Variants in ABCA12 observed in about 807,000 individuals in gnomAD.
ABCA12 encodes the protein glucosylceramide transporter ABCA12.
In ABCA12, 156 loss-of-function variants were observed where a neutral mutation model predicts 293.5. That is an observed-to-expected ratio of 0.53 (90% confidence interval 0.47 to 0.61). The LOEUF is 0.61. Among genes scored for constraint, ABCA12 ranks in the 20% least tolerant of loss-of-function variants. The probability of loss-of-function intolerance (pLI) is 0.00; values close to 1 mark genes in which losing one functional copy is unlikely to be tolerated. For synonymous variants in ABCA12, 1,063 were observed against 1,108.0 expected (o/e 0.96, Z 0.81); for missense variants, 2,797 against 3,090.2 (o/e 0.91, Z 2.25).
chr2:214,951,852 T>C (rs1698783372), intron 44 of ABCA12, among the ~76,000 whole-genome samples: 1 of 152,200 alleles, frequency 6.6e-6, no homozygotes, highest in South Asian at 2.1e-4. Context: ...AAATTTTAAG[T>C]GCATAATACA....
rs1432712198 is a variant in ABCA12, at chr2:215,025,509, TA to T, written c.1287+163del. ...TCTAGAGTCGTAAGTAGGGCCATTA[TA>T]AATCTAGAGTTAAAATAGCATCATT... is the stretch of plus-strand genomic sequence containing the variant. On this transcript the variant is annotated intron_variant, in intron 11 of 52. Transcript: ENST00000272895. The T allele has an allele frequency of 8.2e-5, 49 of 598,510 alleles. 1 individual carries two copies. In the Middle Eastern group the frequency reaches 2.3e-3, roughly 28 times the overall value. The allele number at this position is 598,510 out of a possible 1,614,324, so 37.1% of individuals were successfully genotyped here. A position where few individuals can be genotyped will look rare whatever the true frequency, so the allele number is the denominator to read the frequency against.
chr2:214,969,510 ACAT>A (rs1699339303), intron 37 of ABCA12, among the ~76,000 whole-genome samples: 2 of 152,094 alleles, frequency 1.3e-5, no homozygotes, highest in Non-Finnish European at 2.9e-5. Context: ...CATGCAAATA[ACAT>A]CATAGTATGT....
At chr2:215,061,720 T>C (rs1408272625) in intron 3 of ABCA12, among the ~76,000 whole-genome samples, 1 of 151,060 alleles carries the variant, frequency 6.6e-6, no homozygotes, top group Non-Finnish European at 1.5e-5. Flanking sequence ...CAACTTGAGC[T>C]AGATAAACTA....
intron 11 of ABCA12, 148 bp downstream of exon 11, chr2:215,025,525 A>G: frequency 1.6e-6 from 1 of 635,052 alleles, no homozygotes; most frequent in South Asian, 2.0e-5. Flanking sequence ...TAGAGTTAAA[A>G]TAGCATCATT....
chr2:214,943,084 A>C, intron 49 of ABCA12, 67 bp from the exon 50 acceptor site: 1 of 1,203,668 alleles, frequency 8.3e-7, no homozygotes, highest in South Asian at 1.2e-5. Context: ...GTTCATGAGC[A>C]TAAGCATAAT....
intron 50 of ABCA12, among the ~76,000 whole-genome samples, chr2:214,939,333 G>A (rs1246076868): frequency 6.6e-6 from 1 of 152,020 alleles, no homozygotes; most frequent in Non-Finnish European, 1.5e-5. Flanking sequence ...TATGTGTTTT[G>A]GTACCAGTAT....
intron 2 of ABCA12, among the ~76,000 whole-genome samples, chr2:215,093,562 C>T (rs1198304303): frequency 6.6e-6 from 1 of 152,212 alleles, no homozygotes; most frequent in Non-Finnish European, 1.5e-5. Flanking sequence ...TCTTTTTATC[C>T]AAACAACTCG....
chr2:215,027,555 G>A (rs990721922), intron 9 of ABCA12, among the ~76,000 whole-genome samples: 1 of 152,036 alleles, frequency 6.6e-6, no homozygotes, highest in African/African-American at 2.4e-5. Context: ...AAGGTCACTG[G>A]GTGAGGATTG....
At chr2:215,120,325 T>G (rs1293529147) in intron 1 of ABCA12, among the ~76,000 whole-genome samples, 1 of 152,126 alleles carries the variant, frequency 6.6e-6, no homozygotes, top group Non-Finnish European at 1.5e-5. Flanking sequence ...TTTGGTACTA[T>G]GCTCACCACT....
At chr2:215,021,746 G>A (rs774812717) in intron 11 of ABCA12, among the ~76,000 whole-genome samples, 4 of 150,758 alleles carry the variant, frequency 2.7e-5, no homozygotes, top group Non-Finnish European at 5.9e-5. Context: ...AATAAGAAAG[G>A]CACAATGATA....
intron 15 of ABCA12, among the ~76,000 whole-genome samples, chr2:215,012,800 C>G (rs1456131053): frequency 6.6e-6 from 1 of 151,770 alleles, no homozygotes; most frequent in African/African-American, 2.4e-5. Flanking sequence ...TAAATAATAC[C>G]TCAATAAAGT....
intron 2 of ABCA12, among the ~76,000 whole-genome samples, chr2:215,065,174 G>GAT (rs1701617069): frequency 1.3e-5 from 2 of 151,520 alleles, no homozygotes. Context: ...TTCACAATTA[G>GAT]GTTTGCTATG....
At chr2:214,935,548 G>A (rs1179960439) in intron 51 of ABCA12, among the ~76,000 whole-genome samples, 1 of 152,218 alleles carries the variant, frequency 6.6e-6, no homozygotes, top group East Asian at 1.9e-4. Context: ...TGTAATCCCA[G>A]TGCTTTGGGA....
In ABCA12 at chr2:215,052,562, A is replaced by G. The variant is rs778990674; in HGVS notation, c.432T>C (p.Ser144=). 5.0e-6 allele frequency: 8 copies of G among 1,612,496 alleles called. No individual in the cohort carries two copies. In the East Asian group the frequency reaches 1.6e-4, roughly 31 times the overall value. The part of the protein sequence containing the change: ...ASLATVFPSP[S]SDLEIPGTYT... ...ATGTTCCGGGGATTTCCAAATCAGA[A>G]CTTGGACTGGGAAATACTGTGGCTG... Residue 144 remains serine (S), a synonymous_variant, in exon 5 of 53, where the codon AGT becomes AGC. Coordinates refer to ENST00000272895, the MANE Select transcript of ABCA12 (RefSeq NM_173076.3).
intron 22 of ABCA12, among the ~76,000 whole-genome samples, chr2:214,999,124 G>T (rs866827396): frequency 3.9e-5 from 6 of 152,114 alleles, no homozygotes; most frequent in Middle Eastern, 6.8e-3. Flanking sequence ...CATTTTTTTT[G>T]TTGTTGTTTC....
rs137887062 is a variant in ABCA12 at position 215,107,814 on chromosome 2, A to G, written c.163+3783T>C. ...CAGAACAGAAGTTGTTGTGGGATCC[A>G]TGCATGTTGTTATGACTCCAGTGCC... On this transcript the variant is annotated intron_variant, in intron 2 of 52. Transcript: ENST00000272895. Among the ~76,000 whole-genome samples the G allele has an allele frequency of 3.7e-3, 564 of 152,364 alleles. 1 individual carries two copies. The highest frequency in any genetic ancestry group is 0.012 in the African/African-American group (487 of 41,578).
At chr2:215,074,766 G>T (rs995257647) in intron 2 of ABCA12, among the ~76,000 whole-genome samples, 4 of 151,966 alleles carry the variant, frequency 2.6e-5, no homozygotes, top group Non-Finnish European at 5.9e-5. Flanking sequence ...ACATGGTAAA[G>T]CCCCCTCTCT....
At position 214,935,805 on chromosome 2, in the gene ABCA12, A is replaced by T. The variant is rs189221960; in HGVS notation, c.7543-1590T>A. Among the ~76,000 whole-genome samples, 1,447 of 152,134 alleles carry T rather than the reference A, an allele frequency of 9.5e-3. 30 individuals are homozygous for T. The highest frequency in any genetic ancestry group is 0.033 in the African/African-American group (1,363 of 41,484). Reference sequence around the variant, plus strand: ...TAGCGAGACTCTGTGTCTTAAAAAAAATTTTTTTTAAGAATTAAGAAAGCT... The same window carrying T: ...TAGCGAGACTCTGTGTCTTAAAAAATATTTTTTTTAAGAATTAAGAAAGCT... On this transcript the variant is annotated intron_variant, in intron 51 of 52. Transcript: ENST00000272895.
At chr2:215,029,208 AATAT>A (rs1176384332) in intron 9 of ABCA12, 3 of 152,104 alleles carry the variant, frequency 2.0e-5, no homozygotes, top group African/African-American at 4.8e-5. Context: ...CCCATCACAG[AATAT>A]CTAGCATTTG....
Sources: allele counts gnomAD v4.1 joint callset (sites outside exome capture counted in the v4.1 genomes callset), GRCh38; gene constraint gnomAD v4.1.1; transcripts MANE v1.5; gene names NCBI Gene and HGNC (gene_info 2026-07-23, HGNC 2026-07-21).